PCSK6: variants seen among roughly 807,000 people sequenced by gnomAD.
PCSK6 encodes proprotein convertase subtilisin/kexin type 6.
PCSK6 carries 85 observed loss-of-function variants against 123.3 expected under a neutral mutation model. The observed-to-expected ratio is 0.69, with a 90% CI of 0.58 to 0.83. The LOEUF (loss-of-function observed/expected upper bound fraction) is 0.83, where lower values mean the gene tolerates loss of function less well. Among genes scored for constraint, PCSK6 ranks in the 40% least tolerant of loss-of-function variants. PCSK6 has a pLI of 0.00. For missense variants in PCSK6, 1,191 were observed against 1,282.3 expected (o/e 0.93, Z 1.09); for synonymous variants, 508 against 516.0 (o/e 0.98, Z 0.21).
intron 9 of PCSK6, among the ~76,000 whole-genome samples, chr15:101,385,511 C>T (rs1323575801): frequency 6.6e-6 from 1 of 152,166 alleles, no homozygotes; most frequent in Non-Finnish European, 1.5e-5. Context: ...TCAATAGTTA[C>T]AAAAATTCTA....
At chr15:101,458,714 C>T (rs527700929) in intron 1 of PCSK6, among the ~76,000 whole-genome samples, 11 of 152,294 alleles carry the variant, frequency 7.2e-5, no homozygotes, top group Admixed American at 5.9e-4. Context: ...TGCTCTGTTT[C>T]TCCCCAGCGG....
chr15:101,483,943 G>A (rs2057955461), intron 1 of PCSK6, among the ~76,000 whole-genome samples: 1 of 152,236 alleles, frequency 6.6e-6, no homozygotes, highest in Non-Finnish European at 1.5e-5. Flanking sequence ...GAAGCACCAT[G>A]CGGTAGGTGT....
intron 5 of PCSK6, 117 bp from the exon 6 acceptor site, chr15:101,428,097 T>C (rs1221433685): frequency 2.4e-6 from 2 of 828,284 alleles, no homozygotes; most frequent in Non-Finnish European, 3.9e-6. Context: ...GAGATGTCAT[T>C]AAAGCCCATT....
intron 11 of PCSK6, among the ~76,000 whole-genome samples, chr15:101,378,074 A>C (rs1288036563): frequency 6.6e-6 from 1 of 152,264 alleles, no homozygotes; most frequent in African/African-American, 2.4e-5. Flanking sequence ...ATCAAGAGTC[A>C]AATAGAATAT....
At chr15:101,417,178 T>C (rs1349077014) in intron 6 of PCSK6, among the ~76,000 whole-genome samples, 1 of 152,224 alleles carries the variant, frequency 6.6e-6, no homozygotes, top group Non-Finnish European at 1.5e-5. Context: ...CTGCTTTTGC[T>C]TCCTCCTCAT....
intron 1 of PCSK6, among the ~76,000 whole-genome samples, chr15:101,451,713 A>C (rs896035393): frequency 6.6e-6 from 1 of 152,238 alleles, no homozygotes; most frequent in Non-Finnish European, 1.5e-5. Context: ...CTTTCTGGGA[A>C]GAGTCTATGT....
At chr15:101,423,066 T>A (rs1290226652) in intron 6 of PCSK6, among the ~76,000 whole-genome samples, 1 of 152,216 alleles carries the variant, frequency 6.6e-6, no homozygotes, top group African/African-American at 2.4e-5. Context: ...TCAGTCATTA[T>A]AAACATACTC....
intron 13 of PCSK6, among the ~76,000 whole-genome samples, chr15:101,333,824 G>T (rs996346228): frequency 6.6e-6 from 1 of 152,208 alleles, no homozygotes; most frequent in Non-Finnish European, 1.5e-5. Context: ...AGACAGGCGG[G>T]ACTGGCCCCA....
chr15:101,469,931 T>C (rs965896809), intron 1 of PCSK6, among the ~76,000 whole-genome samples: 1 of 152,216 alleles, frequency 6.6e-6, no homozygotes, highest in Admixed American at 6.5e-5. Context: ...GTGCTGTTTC[T>C]CTCTCATCCA....
chr15:101,307,047 C>T (rs2039738182), intron 21 of PCSK6, among the ~76,000 whole-genome samples, 166 bp downstream of exon 21: 1 of 152,220 alleles, frequency 6.6e-6, no homozygotes. Flanking sequence ...GGGCAGCTGT[C>T]TTCCATATCA....
chr15:101,363,302 T>C (rs2041289178), intron 13 of PCSK6, among the ~76,000 whole-genome samples: 3 of 152,188 alleles, frequency 2.0e-5, no homozygotes. Flanking sequence ...ATCACAGGTC[T>C]AGAGTGTTGA....
intron 3 of PCSK6, 87 bp from the exon 4 acceptor site, chr15:101,431,550 C>T (rs1247530435): frequency 3.9e-6 from 6 of 1,538,228 alleles, no homozygotes; most frequent in South Asian, 1.2e-5. Flanking sequence ...CAGGGAGGCG[C>T]TTAGGCTTGC....
At chr15:101,478,966 A>T (rs1244777407) in intron 1 of PCSK6, among the ~76,000 whole-genome samples, 15 of 152,242 alleles carry the variant, frequency 9.9e-5, no homozygotes, top group Admixed American at 9.8e-4. Flanking sequence ...GAATCAGGAC[A>T]TCACAGGTCC....
At chr15:101,420,292 T>A (rs1296426268) in intron 6 of PCSK6, among the ~76,000 whole-genome samples, 1 of 151,718 alleles carries the variant, frequency 6.6e-6, no homozygotes, top group Non-Finnish European at 1.5e-5. Context: ...ACAAAACAGG[T>A]TTACTATCTT....
chr15:101,404,894 T>C (rs1012954814), intron 6 of PCSK6, among the ~76,000 whole-genome samples: 2 of 152,150 alleles, frequency 1.3e-5, no homozygotes, highest in African/African-American at 4.8e-5. Flanking sequence ...GTTATAGGTG[T>C]TGAAATGCCT....
chr15:101,465,855 C>T (rs1242678694), intron 1 of PCSK6, among the ~76,000 whole-genome samples: 1 of 151,896 alleles, frequency 6.6e-6, no homozygotes, highest in Non-Finnish European at 1.5e-5. Context: ...AGCAAGGAGA[C>T]AAAATGGAAT....
At chr15:101,476,314 C>A (rs887462271) in intron 1 of PCSK6, among the ~76,000 whole-genome samples, 1 of 152,020 alleles carries the variant, frequency 6.6e-6, no homozygotes, top group African/African-American at 2.4e-5. Context: ...AGTGCAGAGT[C>A]ATGAATAAGG....
At chr15:101,405,311 CTTGCTA>C (rs1366196934) in intron 6 of PCSK6, among the ~76,000 whole-genome samples, 2 of 152,228 alleles carry the variant, frequency 1.3e-5, no homozygotes, top group African/African-American at 4.8e-5. Context: ...CCATGGTCAG[CTTGCTA>C]ACGGACTGCT....
intron 6 of PCSK6, among the ~76,000 whole-genome samples, chr15:101,410,948 G>A (rs1328628792): frequency 6.6e-6 from 1 of 152,210 alleles, no homozygotes; most frequent in Non-Finnish European, 1.5e-5. Flanking sequence ...ATCGGCAAGA[G>A]GTGTCACCAT....
Sources: allele counts gnomAD v4.1 joint callset (sites outside exome capture counted in the v4.1 genomes callset), GRCh38; gene constraint gnomAD v4.1.1; transcripts MANE v1.5; gene names NCBI Gene and HGNC (gene_info 2026-07-23, HGNC 2026-07-21).